TLK1: variants seen among roughly 807,000 people sequenced by gnomAD.
TLK1 encodes serine/threonine-protein kinase tousled-like 1.
TLK1 carries 24 observed loss-of-function variants against 105.3 expected under a neutral mutation model. That is an observed-to-expected ratio of 0.23 (90% CI 0.17 to 0.32). TLK1 has a LOEUF of 0.32. TLK1 is among the 10% of genes least tolerant of loss of function. TLK1 has a pLI of 1.00. For missense variants in TLK1, 558 were observed against 910.5 expected (o/e 0.61, Z 4.98); for synonymous variants, 321 against 310.4 (o/e 1.03, Z -0.36).
intron 2 of TLK1, among the ~76,000 whole-genome samples, chr2:171,095,651 T>C (rs1689422097): frequency 6.6e-6 from 1 of 152,122 alleles, no homozygotes; most frequent in Non-Finnish European, 1.5e-5. Context: ...CAACTGAAAC[T>C]TATTCCTGAA....
At chr2:171,047,907 T>C (rs925770259) in intron 10 of TLK1, among the ~76,000 whole-genome samples, 1 of 152,184 alleles carries the variant, frequency 6.6e-6, no homozygotes, top group Non-Finnish European at 1.5e-5. Flanking sequence ...CCTCAATAAA[T>C]GCTTATTAGT....
intron 1 of TLK1, among the ~76,000 whole-genome samples, chr2:171,197,938 A>T (rs1693306776): frequency 6.6e-6 from 1 of 152,218 alleles, no homozygotes; most frequent in African/African-American, 2.4e-5. Context: ...TATGATTCTT[A>T]TAAGAACACT....
At chr2:171,051,169 A>G (rs1687219871) in intron 8 of TLK1, among the ~76,000 whole-genome samples, 1 of 152,184 alleles carries the variant, frequency 6.6e-6, no homozygotes, top group Non-Finnish European at 1.5e-5. Flanking sequence ...TTGAAACCTG[A>G]TTCTAAAATT....
intron 3 of TLK1, among the ~76,000 whole-genome samples, chr2:171,071,040 T>C (rs1688231148): frequency 6.6e-6 from 1 of 152,208 alleles, no homozygotes; most frequent in Non-Finnish European, 1.5e-5. Flanking sequence ...TGGGCACCTT[T>C]TCATCAAGTT....
intron 14 of TLK1, among the ~76,000 whole-genome samples, chr2:171,009,527 G>C (rs753020787): frequency 2.0e-5 from 3 of 151,894 alleles, no homozygotes; most frequent in Non-Finnish European, 4.4e-5. Flanking sequence ...GACTGGTCTT[G>C]AACTCCTGAG....
At chr2:171,081,624 G>T (rs1354586957) in intron 3 of TLK1, 3 of 1,299,392 alleles carry the variant, frequency 2.3e-6, no homozygotes, top group Non-Finnish European at 3.0e-6. Flanking sequence ...ATGCTACAGG[G>T]GCTACTAACG....
intron 12 of TLK1, among the ~76,000 whole-genome samples, chr2:171,026,064 AAAGTT>A (rs1405189341): frequency 2.0e-5 from 3 of 152,156 alleles, no homozygotes; most frequent in African/African-American, 7.2e-5. Context: ...AAAGAAAAGA[AAAGTT>A]ATGTTGTAAA....
In TLK1 at chr2:171,156,167, A is replaced by G. The variant is rs139363307; in HGVS notation, c.139+4123T>C. ...ACTCACTCTTTCCTTTTCCAACCATATATCTACATGAAGCTGGATTCTCTT... is the reference window on the plus strand; with the variant it reads ...ACTCACTCTTTCCTTTTCCAACCATGTATCTACATGAAGCTGGATTCTCTT... On this transcript the variant is annotated intron_variant, in intron 1 of 20. Transcript: ENST00000431350. 4.8e-3 allele frequency among the ~76,000 whole-genome samples: 737 copies of G among 152,370 alleles called. 5 individuals carry two copies. Among genetic ancestry groups the G allele is most frequent in the African/African-American group, 0.016 (683 of 41,586 alleles).
At chr2:171,134,456 A>C (rs1269775685) in intron 1 of TLK1, among the ~76,000 whole-genome samples, 2 of 152,208 alleles carry the variant, frequency 1.3e-5, no homozygotes, top group African/African-American at 4.8e-5. Flanking sequence ...TAACAACTTG[A>C]CTAACGATTG....
At chr2:171,092,573 T>A (rs1408606229) in intron 2 of TLK1, among the ~76,000 whole-genome samples, 3 of 152,236 alleles carry the variant, frequency 2.0e-5, no homozygotes, top group Non-Finnish European at 4.4e-5. Context: ...ATAGATTTAA[T>A]TAGAACACTT....
intron 2 of TLK1, among the ~76,000 whole-genome samples, chr2:171,090,856 A>G (rs1307848439): frequency 6.6e-6 from 1 of 152,228 alleles, no homozygotes; most frequent in Non-Finnish European, 1.5e-5. Context: ...AGCAGACACA[A>G]TAGTTTTTTA....
intron 1 of TLK1, among the ~76,000 whole-genome samples, chr2:171,167,437 T>G (rs1268252637): frequency 1.3e-5 from 2 of 152,222 alleles, no homozygotes; most frequent in Non-Finnish European, 2.9e-5. Flanking sequence ...ATAGTTTTTT[T>G]GATTAGTTGC....
chr2:171,075,029 A>C (rs1054844844), intron 3 of TLK1, among the ~76,000 whole-genome samples: 5 of 152,164 alleles, frequency 3.3e-5, no homozygotes, highest in African/African-American at 1.2e-4. Flanking sequence ...GGCATTAAAA[A>C]AAAAAAGATT....
At chr2:171,059,915 G>A (rs2555919) in intron 4 of TLK1, 12 of 1,362,002 alleles carry the variant, frequency 8.8e-6, no homozygotes, top group East Asian at 6.9e-5. Context: ...TCACTGGCCC[G>A]CTGCTCACCT....
At chr2:171,193,779 A>C (rs1693208752) in intron 1 of TLK1, among the ~76,000 whole-genome samples, 1 of 137,802 alleles carries the variant, frequency 7.3e-6, no homozygotes, top group African/African-American at 2.8e-5. Flanking sequence ...GCAGTGGCAC[A>C]ATCACGGCTC....
At chr2:171,084,625 A>C (rs550267906) in intron 2 of TLK1, among the ~76,000 whole-genome samples, 27 of 152,328 alleles carry the variant, frequency 1.8e-4, no homozygotes, top group African/African-American at 6.5e-4. Flanking sequence ...AAAATTATGC[A>C]GGTCATAAAG....
chr2:171,212,646 T>G (rs1013274860), intron 1 of TLK1, among the ~76,000 whole-genome samples: 1 of 148,030 alleles, frequency 6.8e-6, no homozygotes, highest in Admixed American at 6.8e-5. Flanking sequence ...CTCTAGCATG[T>G]AATTTCTTAA....
chr2:171,053,683 G>A, intron 8 of TLK1, 78 bp downstream of exon 8: 1 of 1,179,144 alleles, frequency 8.5e-7, no homozygotes, highest in Non-Finnish European at 1.2e-6. Context: ...TTTTTACAAT[G>A]CTAAGTATTT....
intron 2 of TLK1, among the ~76,000 whole-genome samples, chr2:171,115,719 T>A (rs116126209): frequency 0.024 from 3,709 of 152,258 alleles, 65 homozygotes; most frequent in Non-Finnish European, 0.037. Flanking sequence ...CATAATCAGG[T>A]AACATAATGC....
Sources: allele counts gnomAD v4.1 joint callset (sites outside exome capture counted in the v4.1 genomes callset), GRCh38; gene constraint gnomAD v4.1.1; transcripts MANE v1.5; gene names NCBI Gene and HGNC (gene_info 2026-07-23, HGNC 2026-07-21).